DCAF6: variants seen among roughly 807,000 people sequenced by gnomAD.
DCAF6 encodes the protein DDB1 and CUL4 associated factor 6.
Under a neutral mutation model 125.1 loss-of-function variants are expected in DCAF6, and 54 were observed. That is an observed-to-expected ratio of 0.43 (90% CI 0.35 to 0.54). The LOEUF is 0.54. Ranked by LOEUF, DCAF6 falls within the 20% of genes least tolerant of loss-of-function variation. The pLI, the probability that DCAF6 is intolerant of heterozygous loss-of-function variation, is 0.01. For missense variants in DCAF6, 934 were observed against 1,161.7 expected (o/e 0.80, Z 2.85); for synonymous variants, 371 against 390.4 (o/e 0.95, Z 0.58).
At chr1:167,912,275 T>C in the DCAF6 span, among the ~76,000 whole-genome samples, 3 of 152,226 alleles carry the variant, frequency 2.0e-5, no homozygotes, top group African/African-American at 7.2e-5. Context: ...AAATTTCTTG[T>C]AAAGCCTTGG....
At chr1:168,073,028 C>G (rs1466060130) in intron 21 of DCAF6, among the ~76,000 whole-genome samples, 1 of 152,038 alleles carries the variant, frequency 6.6e-6, no homozygotes. Flanking sequence ...ACAAAAAAAT[C>G]AGCCGGGTGT....
chr1:167,880,629 C>T, the DCAF6 span: 2 of 1,553,970 alleles, frequency 1.3e-6, no homozygotes, highest in Non-Finnish European at 1.8e-6. Context: ...AGAGAGACAG[C>T]AACCACAGCT....
chr1:167,947,889 G>T (rs905312139), intron 1 of DCAF6, among the ~76,000 whole-genome samples: 6 of 152,122 alleles, frequency 3.9e-5, no homozygotes, highest in Non-Finnish European at 7.4e-5. Context: ...AGTTCATTTG[G>T]TCTAAAGTCC....
Position 167,989,493 on chromosome 1 carries a change from A to C in DCAF6, c.553-1711A>C, listed in dbSNP as rs528597616. 2.7e-3 allele frequency among the ~76,000 whole-genome samples: 406 copies of C among 152,372 alleles called. 1 individual carries two copies. The highest frequency in any genetic ancestry group is 4.9e-3 in the Non-Finnish European group (333 of 68,042). ...TAATCCTTAACTACTAAAAACTTAG[A>C]ATTATGAAAGGCATTTGGTTAATGA... On this transcript the variant is annotated intron_variant, in intron 5 of 21. Coordinates refer to ENST00000367840, the MANE Select transcript of DCAF6 (RefSeq NM_001198956.2).
At chr1:168,050,423 G>A (rs1326893791) in intron 16 of DCAF6, among the ~76,000 whole-genome samples, 1 of 152,112 alleles carries the variant, frequency 6.6e-6, no homozygotes, top group African/African-American at 2.4e-5. Flanking sequence ...CAAAGAGAAA[G>A]AACTGGACTC....
chr1:168,057,316 C>T (rs749299050), intron 17 of DCAF6, among the ~76,000 whole-genome samples: 2 of 152,036 alleles, frequency 1.3e-5, no homozygotes, highest in East Asian at 1.9e-4. Context: ...ACTTTTAAAA[C>T]GGGTTTATAG....
At chr1:167,912,390 T>C in the DCAF6 span, among the ~76,000 whole-genome samples, 4 of 152,212 alleles carry the variant, frequency 2.6e-5, no homozygotes, top group Non-Finnish European at 5.9e-5. Flanking sequence ...TTGCCCCACA[T>C]GTTCCTGGCA....
the DCAF6 span, among the ~76,000 whole-genome samples, chr1:167,864,828 C>T: frequency 6.6e-6 from 1 of 151,044 alleles, no homozygotes; most frequent in East Asian, 2.0e-4. Context: ...ATCAAAAATC[C>T]TTAACCCAGT....
chr1:167,877,083 TG>T, the DCAF6 span, among the ~76,000 whole-genome samples: 1 of 151,964 alleles, frequency 6.6e-6, no homozygotes, highest in Non-Finnish European at 1.5e-5. Context: ...TGTTTATTTT[TG>T]CACACCACTG....
chr1:168,018,882 G>T (rs1685313333), intron 11 of DCAF6, among the ~76,000 whole-genome samples: 1 of 152,080 alleles, frequency 6.6e-6, no homozygotes, highest in African/African-American at 2.4e-5. Context: ...ATGACCTTGG[G>T]CAGGTCATTT....
the DCAF6 span, chr1:167,899,272 G>C: frequency 1.3e-6 from 1 of 772,062 alleles, no homozygotes. Context: ...AGCTGCCCTG[G>C]ACTAAAGCCT....
intron 3 of DCAF6, among the ~76,000 whole-genome samples, chr1:167,974,545 T>C (rs1677843226): frequency 6.6e-6 from 1 of 152,188 alleles, no homozygotes; most frequent in African/African-American, 2.4e-5. Flanking sequence ...TTTATTGAGA[T>C]TTTATGAGTG....
At chr1:167,999,124 A>G (rs1378422960) in intron 7 of DCAF6, among the ~76,000 whole-genome samples, 7 of 152,264 alleles carry the variant, frequency 4.6e-5, no homozygotes, top group Non-Finnish European at 4.4e-5. Context: ...GTTAATCTCC[A>G]TGTACATCTC....
At chr1:167,964,093 T>G (rs1180003490) in intron 2 of DCAF6, among the ~76,000 whole-genome samples, 1 of 152,204 alleles carries the variant, frequency 6.6e-6, no homozygotes, top group East Asian at 1.9e-4. Context: ...TAAGAATAAG[T>G]AAAATGAAAG....
intron 1 of DCAF6, among the ~76,000 whole-genome samples, chr1:167,944,430 C>T (rs1180038930): frequency 6.6e-6 from 1 of 152,134 alleles, no homozygotes; most frequent in Non-Finnish European, 1.5e-5. Flanking sequence ...TACATTCCCA[C>T]CAATGGTATA....
chr1:167,906,622 C>CA, the DCAF6 span, among the ~76,000 whole-genome samples: 767 of 109,480 alleles, frequency 7.0e-3, 2 homozygotes, highest in East Asian at 0.011. Context: ...CCCATCTCTA[C>CA]AAAAAAAAAA....
chr1:167,883,322 G>A, the DCAF6 span: 5 of 1,190,258 alleles, frequency 4.2e-6, no homozygotes, highest in Non-Finnish European at 6.2e-6. Context: ...ACAGGCGTGA[G>A]CCACCACGCC....
At chr1:167,977,748 G>C (rs1053963785) in intron 4 of DCAF6, among the ~76,000 whole-genome samples, 1 of 151,986 alleles carries the variant, frequency 6.6e-6, no homozygotes, top group African/African-American at 2.4e-5. Flanking sequence ...CTGCTTATTA[G>C]ACCTTATTCC....
At chr1:167,902,134 A>G in the DCAF6 span, 1 of 1,339,060 alleles carries the variant, frequency 7.5e-7, no homozygotes, top group South Asian at 1.2e-5. Context: ...TTAGTGGAAT[A>G]GAAACTAGGT....
Sources: gnomAD v4.1 joint callset for allele counts (sites outside exome capture counted in the v4.1 genomes callset) on GRCh38, gnomAD v4.1.1 for gene constraint, MANE v1.5 for transcripts, NCBI Gene and HGNC (gene_info 2026-07-23, HGNC 2026-07-21) for gene names.